LAMA2: variants seen among roughly 807,000 people sequenced by gnomAD.
The protein encoded by LAMA2 is laminin subunit alpha 2, also known as laminin subunit alpha-2.
LAMA2 carries 269 observed loss-of-function variants against 364.8 expected under a neutral mutation model. The ratio of observed to expected loss-of-function variants is 0.74; its 90% CI spans 0.67 to 0.82. LAMA2 has a LOEUF of 0.82. LAMA2 is among the 40% of genes least tolerant of loss of function. LAMA2 has a pLI of 0.00. For synonymous variants in LAMA2, 1,379 were observed against 1,370.6 expected (o/e 1.01, Z -0.14); for missense variants, 3,807 against 3,873.2 (o/e 0.98, Z 0.45).
At position 129,190,283 on chromosome 6, in the gene LAMA2, G is replaced by C. The variant is rs141000358; in HGVS notation, c.1546G>C (p.Asp516His). The C allele has an allele frequency of 8.1e-6, 13 of 1,613,688 alleles. No homozygotes were observed. In the Admixed American group the frequency reaches 2.2e-4, roughly 27 times the overall value. Residue 516 changes from aspartate to histidine, a missense_variant, in exon 11 of 65, where the codon GAT (aspartate) becomes CAT (histidine). Asp to His is a moderately conservative substitution (Grantham distance 81). This residue lies in a region of LAMA2 where 3,333 missense variants were observed against 3,345.7 expected (regional missense o/e 1.00). Coordinates refer to ENST00000421865, the MANE Select transcript of LAMA2 (RefSeq NM_000426.4). Reference protein sequence around the residue: ...NLQEDNWKGCDECFCSGVSNR... With the variant: ...NLQEDNWKGCHECFCSGVSNR... ...GCAAGAGGATAATTGGAAAGGCTGC[G>C]ATGAGTGTTTCTGTTCAGGGGTTTC...
chr6:129,017,820 A>G (rs1409998984), intron 1 of LAMA2, among the ~76,000 whole-genome samples: 3 of 152,104 alleles, frequency 2.0e-5, no homozygotes, highest in Admixed American at 2.0e-4. Context: ...TTAAAAGTAG[A>G]ACACGGTCTT....
intron 41 of LAMA2, among the ~76,000 whole-genome samples, chr6:129,429,689 C>T (rs1333866983): frequency 1.3e-5 from 2 of 152,174 alleles, no homozygotes; most frequent in South Asian, 2.1e-4. Flanking sequence ...GACTCAATCC[C>T]GTGACTTTGC....
chr6:129,488,522 A>G (rs1391703132), intron 56 of LAMA2, among the ~76,000 whole-genome samples: 2 of 152,212 alleles, frequency 1.3e-5, no homozygotes, highest in Non-Finnish European at 2.9e-5. Context: ...TATTATGCCA[A>G]CTTCACAGCT....
At chr6:129,437,060 G>A (rs1781867842) in intron 41 of LAMA2, 1 of 152,078 alleles carries the variant, frequency 6.6e-6, no homozygotes, top group Admixed American at 6.6e-5. Flanking sequence ...GAAAGGAGGA[G>A]GACAGGAAGA....
intron 40 of LAMA2, among the ~76,000 whole-genome samples, chr6:129,405,092 C>T (rs1780180167): frequency 6.6e-6 from 1 of 152,076 alleles, no homozygotes; most frequent in Non-Finnish European, 1.5e-5. Flanking sequence ...CAAATCTAAA[C>T]TAAATTTTAA....
At chr6:129,442,548 G>C (rs1382189454) in intron 43 of LAMA2, among the ~76,000 whole-genome samples, 1 of 151,952 alleles carries the variant, frequency 6.6e-6, no homozygotes, top group Non-Finnish European at 1.5e-5. Context: ...TTAAGTTCAG[G>C]CGTATAAGTG....
chr6:129,111,204 G>A (rs1776138858), intron 4 of LAMA2, among the ~76,000 whole-genome samples: 1 of 151,972 alleles, frequency 6.6e-6, no homozygotes, highest in South Asian at 2.1e-4. Context: ...GCCTGAGGAT[G>A]TGTACTATTT....
intron 1 of LAMA2, among the ~76,000 whole-genome samples, chr6:128,946,622 C>T (rs1780501685): frequency 6.6e-6 from 1 of 152,302 alleles, no homozygotes; most frequent in South Asian, 2.1e-4. Flanking sequence ...GCCCATTACT[C>T]AAATCCTCAA....
At chr6:129,131,489 T>A (rs954004088) in intron 4 of LAMA2, among the ~76,000 whole-genome samples, 6 of 152,150 alleles carry the variant, frequency 3.9e-5, no homozygotes, top group Non-Finnish European at 7.4e-5. Flanking sequence ...CTGTGGTCAG[T>A]TATTAGTCTG....
At chr6:129,513,901 A>ATAAT (rs1375138591) in intron 63 of LAMA2, among the ~76,000 whole-genome samples, 11 of 152,362 alleles carry the variant, frequency 7.2e-5, no homozygotes, top group Middle Eastern at 3.4e-3. Flanking sequence ...GGAAAAAAAT[A>ATAAT]TAATTAAAAC....
intron 47 of LAMA2, 120 bp downstream of exon 47, chr6:129,454,408 T>A (rs1583790573): frequency 1.3e-6 from 1 of 754,308 alleles, no homozygotes; most frequent in Admixed American, 2.3e-5. Context: ...TGTAAACACA[T>A]GTGTATGAAT....
intron 32 of LAMA2, among the ~76,000 whole-genome samples, chr6:129,360,727 A>G (rs1777412089): frequency 1.3e-5 from 2 of 152,216 alleles, no homozygotes; most frequent in African/African-American, 4.8e-5. Flanking sequence ...AATTAAATAC[A>G]TTTTCATTTC....
At chr6:129,188,655 T>G (rs747372403) in intron 10 of LAMA2, among the ~76,000 whole-genome samples, 6 of 151,956 alleles carry the variant, frequency 3.9e-5, no homozygotes, top group African/African-American at 7.2e-5. Flanking sequence ...CATTTCAAAA[T>G]GTCTGAAATC....
intron 55 of LAMA2, among the ~76,000 whole-genome samples, chr6:129,485,885 A>G (rs758456697): frequency 6.6e-6 from 1 of 152,216 alleles, no homozygotes; most frequent in South Asian, 2.1e-4. Context: ...GACTGCATTC[A>G]GGCTCCCTGG....
At chr6:128,935,788 C>T (rs1003847236) in intron 1 of LAMA2, among the ~76,000 whole-genome samples, 5 of 152,042 alleles carry the variant, frequency 3.3e-5, no homozygotes, top group African/African-American at 1.2e-4. Flanking sequence ...ATATCTTTTT[C>T]TTGCCGAATT....
intron 1 of LAMA2, among the ~76,000 whole-genome samples, chr6:128,951,453 A>C (rs2114569020): frequency 6.6e-6 from 1 of 152,292 alleles, no homozygotes; most frequent in Admixed American, 6.5e-5. Context: ...CTTTAAGAGA[A>C]GCATCCTCCC....
intron 7 of LAMA2, among the ~76,000 whole-genome samples, chr6:129,151,441 C>G (rs1778786889): frequency 6.6e-6 from 1 of 152,102 alleles, no homozygotes. Context: ...ATCCCAGCTA[C>G]TGGAAAGAAG....
chr6:129,051,272 ATATT>A (rs1003534610), intron 2 of LAMA2, among the ~76,000 whole-genome samples: 2 of 148,052 alleles, frequency 1.4e-5, no homozygotes, highest in South Asian at 2.1e-4. Flanking sequence ...TATATTATTT[ATATT>A]TATTTATATT....
chr6:128,967,193 C>T (rs1221990453), intron 1 of LAMA2, among the ~76,000 whole-genome samples: 4 of 152,118 alleles, frequency 2.6e-5, no homozygotes, highest in Non-Finnish European at 4.4e-5. Flanking sequence ...TACCTGTGCC[C>T]AGCAGGGTTT....
Sources: gnomAD v4.1 joint callset for allele counts (sites outside exome capture counted in the v4.1 genomes callset) on GRCh38, gnomAD v4.1.1 for gene constraint, gnomAD v4.1.1 regional missense constraint, MANE v1.5 for transcripts, NCBI Gene and HGNC (gene_info 2026-07-23, HGNC 2026-07-21) for gene names.